The following PKHD1 variants were observed in gnomAD, a reference collection of about 807,000 sequenced individuals.
PKHD1 encodes fibrocystin.
PKHD1 carries 291 observed loss-of-function variants against 412.0 expected under a neutral mutation model. The observed-to-expected ratio is 0.71, with a 90% confidence interval of 0.64 to 0.78. The LOEUF (loss-of-function observed/expected upper bound fraction) is 0.78. Among genes scored for constraint, PKHD1 ranks in the 30% least tolerant of loss-of-function variants. The probability of loss-of-function intolerance (pLI) is 0.00; values close to 1 mark genes in which losing one functional copy is unlikely to be tolerated. For missense variants in PKHD1, 4,825 were observed against 4,950.7 expected, an observed-to-expected ratio of 0.97 and a Z score of 0.76; for synonymous variants, 1,777 against 1,821.5, an observed-to-expected ratio of 0.98 and a Z score of 0.62.
Position 52,082,543 on chromosome 6 carries a change from C to T in PKHD1, c.131-1G>A. On this transcript the variant is annotated splice_acceptor_variant, in intron 3 of 66. Transcript: ENST00000371117. LOFTEE classifies it high-confidence loss of function. ...GGGTAAAGAACACCCAACTCCAAAC[C>T]TAACACAAGGGAAAGAAATCTCAGG... The T allele has an allele frequency of 6.2e-7, 1 of 1,614,006 alleles. No individual in the cohort carries two copies. The highest frequency in any genetic ancestry group is 1.7e-5 in the Admixed American group (1 of 60,022).
At chr6:51,842,659 A>G (rs1033238316) in intron 50 of PKHD1, among the ~76,000 whole-genome samples, 1 of 152,186 alleles carries the variant, frequency 6.6e-6, no homozygotes, top group Non-Finnish European at 1.5e-5. Context: ...AGGAAGAAGC[A>G]TAGCCCTCCC....
chr6:51,782,948 T>G (rs1792267870), intron 53 of PKHD1, among the ~76,000 whole-genome samples: 1 of 152,178 alleles, frequency 6.6e-6, no homozygotes, highest in Non-Finnish European at 1.5e-5. Flanking sequence ...ATTTTTCTTC[T>G]TCTTTAGGAT....
chr6:52,014,960 A>G (rs561045140), intron 34 of PKHD1, among the ~76,000 whole-genome samples: 1 of 152,312 alleles, frequency 6.6e-6, no homozygotes, highest in East Asian at 1.9e-4. Context: ...ATAAAAACTC[A>G]ATGAAGAAAA....
intron 60 of PKHD1, among the ~76,000 whole-genome samples, chr6:51,727,545 C>A (rs1396381186): frequency 6.6e-6 from 1 of 152,164 alleles, no homozygotes; most frequent in Non-Finnish European, 1.5e-5. Flanking sequence ...CCCCTTCTGG[C>A]GTCTTTAAAC....
chr6:51,978,395 C>T (rs941340602), intron 35 of PKHD1, among the ~76,000 whole-genome samples: 35 of 152,226 alleles, frequency 2.3e-4, no homozygotes, highest in Middle Eastern at 3.4e-3. Flanking sequence ...CAGCCAGGGG[C>T]ATTTCAGTGT....
chr6:51,848,287 G>C (rs528409388), intron 49 of PKHD1, among the ~76,000 whole-genome samples: 125 of 152,280 alleles, frequency 8.2e-4, no homozygotes, highest in Non-Finnish European at 1.5e-3. Context: ...ACACGTCTCA[G>C]GTCAAACAGC....
At chr6:51,681,922 G>A (rs192858485) in intron 60 of PKHD1, among the ~76,000 whole-genome samples, 15 of 152,214 alleles carry the variant, frequency 9.9e-5, no homozygotes, top group Non-Finnish European at 1.6e-4. Context: ...GAACATGTTT[G>A]CCAGTCTCTG....
chr6:51,626,614 A>G (rs903032648), intron 66 of PKHD1, among the ~76,000 whole-genome samples: 13 of 152,196 alleles, frequency 8.5e-5, no homozygotes, highest in Non-Finnish European at 1.6e-4. Flanking sequence ...TCTAATTTGC[A>G]TAGTTGGTAT....
intron 57 of PKHD1, among the ~76,000 whole-genome samples, chr6:51,749,337 T>C (rs1016400383): frequency 6.6e-6 from 1 of 152,220 alleles, no homozygotes; most frequent in African/African-American, 2.4e-5. Flanking sequence ...CTATATCTTT[T>C]ATGTGAGGAG....
At chr6:52,003,803 C>G (rs931065847) in intron 35 of PKHD1, among the ~76,000 whole-genome samples, 1 of 152,114 alleles carries the variant, frequency 6.6e-6, no homozygotes, top group Non-Finnish European at 1.5e-5. Context: ...AATTTTGTTC[C>G]TTTTCAAGAT....
At chr6:51,938,824 T>G (rs1787945751) in intron 36 of PKHD1, among the ~76,000 whole-genome samples, 1 of 151,556 alleles carries the variant, frequency 6.6e-6, no homozygotes, top group Non-Finnish European at 1.5e-5. Flanking sequence ...CAATTTTAAA[T>G]CCGGTAAGCA....
At chr6:52,003,336 C>T (rs748781006) in intron 35 of PKHD1, among the ~76,000 whole-genome samples, 15 of 152,112 alleles carry the variant, frequency 9.9e-5, no homozygotes, top group Non-Finnish European at 1.6e-4. Flanking sequence ...TCAAGTAACA[C>T]ACTTAAAGAC....
intron 14 of PKHD1, among the ~76,000 whole-genome samples, chr6:52,061,392 C>T (rs957560713): frequency 2.0e-5 from 3 of 152,074 alleles, no homozygotes; most frequent in Non-Finnish European, 4.4e-5. Flanking sequence ...TAGTCCCAAA[C>T]TCCTAGACTC....
At chr6:51,966,185 G>C (rs1337132059) in intron 35 of PKHD1, among the ~76,000 whole-genome samples, 1 of 152,092 alleles carries the variant, frequency 6.6e-6, no homozygotes, top group Non-Finnish European at 1.5e-5. Flanking sequence ...CTGATGACAT[G>C]TGCCCAAGGT....
intron 35 of PKHD1, among the ~76,000 whole-genome samples, chr6:51,981,399 A>G (rs1795231301): frequency 8.3e-6 from 1 of 119,876 alleles, no homozygotes. Context: ...ATGCCGAGCC[A>G]AGGCTGGACG....
chr6:51,639,045 C>A, intron 63 of PKHD1, 89 bp from the exon 64 acceptor site: 2 of 963,518 alleles, frequency 2.1e-6, no homozygotes, highest in Middle Eastern at 2.2e-4. Context: ...GACATTTGGA[C>A]AATAAAGGAC....
chr6:51,810,006 G>C (rs1057025668), intron 52 of PKHD1, among the ~76,000 whole-genome samples: 1 of 151,712 alleles, frequency 6.6e-6, no homozygotes, highest in Non-Finnish European at 1.5e-5. Context: ...AGGCATTCAC[G>C]TTTTATTCTC....
chr6:51,873,438 A>T (rs940065553), intron 46 of PKHD1, among the ~76,000 whole-genome samples: 1 of 152,120 alleles, frequency 6.6e-6, no homozygotes, highest in Non-Finnish European at 1.5e-5. Flanking sequence ...TCATTTATTT[A>T]TTATTAGTTT....
At chr6:52,069,578 C>A (rs746886717) in intron 10 of PKHD1, 51 bp from the exon 11 acceptor site, 12 of 1,431,988 alleles carry the variant, frequency 8.4e-6, no homozygotes, top group Non-Finnish European at 1.2e-5. Context: ...ACTGGGATTG[C>A]ATTTTTTTTA....
Sources: gnomAD v4.1 joint callset for allele counts (sites outside exome capture counted in the v4.1 genomes callset) on GRCh38, gnomAD v4.1.1 for gene constraint, MANE v1.5 for transcripts, NCBI Gene and HGNC (gene_info 2026-07-23, HGNC 2026-07-21) for gene names.